The following TENM4 variants were observed in gnomAD, a reference collection of about 807,000 sequenced individuals.
TENM4 encodes teneurin transmembrane protein 4.
TENM4 carries 82 observed loss-of-function variants against 243.3 expected under a neutral mutation model. The ratio of observed to expected loss-of-function variants is 0.34; its 90% CI spans 0.28 to 0.40. TENM4 has a LOEUF of 0.40. Among genes scored for constraint, TENM4 ranks in the 10% least tolerant of loss-of-function variants. The pLI, the probability that TENM4 is intolerant of heterozygous loss-of-function variation, is 1.00. For missense variants in TENM4, 3,138 were observed against 3,673.3 expected (o/e 0.85, Z 3.77); for synonymous variants, 1,412 against 1,456.3 (o/e 0.97, Z 0.69).
At chr11:79,241,927 A>G (rs2135282922) in intron 2 of TENM4, among the ~76,000 whole-genome samples, 1 of 152,328 alleles carries the variant, frequency 6.6e-6, no homozygotes, top group East Asian at 1.9e-4. Flanking sequence ...GGAACAGAGA[A>G]GTAACTCCAG....
In TENM4 at chr11:78,891,292, A is replaced by T; in HGVS notation, c.794T>A (p.Leu265His). The T allele has an allele frequency of 6.4e-7, 1 of 1,551,666 alleles. No homozygotes were observed. The highest frequency in any genetic ancestry group is 8.7e-7 in the Non-Finnish European group (1 of 1,147,002). ...QPFLGTLQDN[L>H]IEMDILGASR... Reference sequence around the variant, plus strand: ...GGCGCCGAGAATGTCCATCTCAATGAGGTTGTCCTGCAATGTCCCTAGGAA... The same window carrying T: ...GGCGCCGAGAATGTCCATCTCAATGTGGTTGTCCTGCAATGTCCCTAGGAA... The change falls in exon 8 of 34, where the codon CTC (leucine) becomes CAC (histidine). Residue 265 changes from leucine to histidine, a missense_variant. Transcript: ENST00000278550.
chr11:79,046,557 C>T (rs996478483), intron 6 of TENM4, among the ~76,000 whole-genome samples: 3 of 152,162 alleles, frequency 2.0e-5, no homozygotes, highest in East Asian at 1.9e-4. Flanking sequence ...AGGTCATAGC[C>T]GAGTAGGGTG....
intron 20 of TENM4, among the ~76,000 whole-genome samples, chr11:78,736,741 G>A (rs1246988866): frequency 1.3e-5 from 2 of 152,196 alleles, no homozygotes; most frequent in East Asian, 1.9e-4. Flanking sequence ...GAGAACAATT[G>A]ATAACTTTCC....
intron 4 of TENM4, among the ~76,000 whole-genome samples, chr11:79,073,802 C>A (rs556752247): frequency 1.1e-4 from 17 of 152,258 alleles, no homozygotes; most frequent in African/African-American, 2.4e-4. Flanking sequence ...CCCTGATACA[C>A]AATGAGTGCT....
intron 9 of TENM4, among the ~76,000 whole-genome samples, chr11:78,868,527 C>T (rs1859044235): frequency 6.6e-6 from 1 of 152,174 alleles, no homozygotes; most frequent in South Asian, 2.1e-4. Context: ...TGACATTTTC[C>T]CCGTCGCCTT....
At chr11:78,764,209 A>T (rs1015664628) in intron 18 of TENM4, among the ~76,000 whole-genome samples, 1 of 152,240 alleles carries the variant, frequency 6.6e-6, no homozygotes, top group African/African-American at 2.4e-5. Context: ...GCTATTAAAG[A>T]TGGGGGCAAG....
intron 1 of TENM4, among the ~76,000 whole-genome samples, chr11:79,348,060 TG>T (rs1857357695): frequency 6.6e-6 from 1 of 151,862 alleles, no homozygotes; most frequent in Non-Finnish European, 1.5e-5. Context: ...ATTACAGGCG[TG>T]AGCCACCGCG....
chr11:79,199,268 G>C (rs1259348622), intron 3 of TENM4, among the ~76,000 whole-genome samples: 3 of 152,144 alleles, frequency 2.0e-5, no homozygotes, highest in Non-Finnish European at 2.9e-5. Context: ...TTTTTGTGAA[G>C]ATTAAATTTG....
At chr11:79,076,801 T>C (rs890930341) in intron 4 of TENM4, among the ~76,000 whole-genome samples, 1 of 152,192 alleles carries the variant, frequency 6.6e-6, no homozygotes, top group South Asian at 2.1e-4. Flanking sequence ...CTACTGTTAA[T>C]TGAACACCTC....
At chr11:79,221,587 G>A (rs1321558553) in intron 2 of TENM4, among the ~76,000 whole-genome samples, 2 of 151,624 alleles carry the variant, frequency 1.3e-5, no homozygotes, top group Admixed American at 6.6e-5. Flanking sequence ...TAGACACTCA[G>A]AGCCCAGTGG....
At chr11:78,693,840 T>C (rs1858889169) in intron 28 of TENM4, among the ~76,000 whole-genome samples, 1 of 152,114 alleles carries the variant, frequency 6.6e-6, no homozygotes, top group South Asian at 2.1e-4. Flanking sequence ...ATGGTGAAAC[T>C]GTGTCTCTAC....
intron 6 of TENM4, among the ~76,000 whole-genome samples, chr11:79,019,170 T>C (rs1328286915): frequency 6.6e-6 from 1 of 152,220 alleles, no homozygotes; most frequent in African/African-American, 2.4e-5. Flanking sequence ...ACATTGCCTG[T>C]TTGTACTGAA....
intron 12 of TENM4, among the ~76,000 whole-genome samples, chr11:78,846,688 C>T (rs542962791): frequency 6.7e-6 from 1 of 149,268 alleles, no homozygotes; most frequent in Non-Finnish European, 1.5e-5. Context: ...TTCGCTTACC[C>T]TAACTTACTA....
intron 1 of TENM4, among the ~76,000 whole-genome samples, chr11:79,419,236 G>A (rs1390454809): frequency 6.6e-6 from 1 of 152,210 alleles, no homozygotes; most frequent in Non-Finnish European, 1.5e-5. Context: ...TCATGGCAAT[G>A]TTGAATCAAG....
chr11:79,130,110 T>C (rs560324771), intron 4 of TENM4, among the ~76,000 whole-genome samples: 18 of 152,242 alleles, frequency 1.2e-4, no homozygotes, highest in African/African-American at 4.3e-4. Context: ...GTAGACTTGC[T>C]GGGTGGCTAG....
intron 4 of TENM4, among the ~76,000 whole-genome samples, chr11:79,135,451 A>G (rs963312677): frequency 6.6e-6 from 1 of 152,142 alleles, no homozygotes; most frequent in African/African-American, 2.4e-5. Context: ...GAGATTCCTT[A>G]AAGAACTAAA....
intron 2 of TENM4, among the ~76,000 whole-genome samples, chr11:79,289,152 C>A (rs767241327): frequency 6.6e-6 from 1 of 152,098 alleles, no homozygotes; most frequent in Non-Finnish European, 1.5e-5. Flanking sequence ...CAAATAGGAT[C>A]CTTTTTCATG....
chr11:79,418,032 G>A (rs1433642102), intron 1 of TENM4, among the ~76,000 whole-genome samples: 2 of 152,216 alleles, frequency 1.3e-5, no homozygotes, highest in African/African-American at 2.4e-5. Flanking sequence ...AACGGTGTAT[G>A]TATCAGTAGT....
chr11:78,817,041 T>A (rs1857620056), intron 12 of TENM4, among the ~76,000 whole-genome samples: 1 of 152,172 alleles, frequency 6.6e-6, no homozygotes, highest in South Asian at 2.1e-4. Flanking sequence ...TCTATGAGTC[T>A]ATAATTAATT....
Sources: allele counts gnomAD v4.1 joint callset (sites outside exome capture counted in the v4.1 genomes callset), GRCh38; gene constraint gnomAD v4.1.1; transcripts MANE v1.5; gene names NCBI Gene and HGNC (gene_info 2026-07-23, HGNC 2026-07-21).